The following NLRP13 variants were observed in gnomAD, a reference collection of about 807,000 sequenced individuals.
The protein encoded by NLRP13 is NLR family pyrin domain containing 13, also known as NACHT, LRR and PYD domains-containing protein 13.
Under a neutral mutation model 94.4 loss-of-function variants are expected in NLRP13, and 82 were observed. The observed-to-expected ratio is 0.87, with a 90% CI of 0.73 to 1.04. The LOEUF (loss-of-function observed/expected upper bound fraction) is 1.04. Ranked by LOEUF, NLRP13 falls within the 50% of genes least tolerant of loss-of-function variation. NLRP13 has a pLI of 0.00. For synonymous variants in NLRP13, 553 were observed against 464.7 expected (o/e 1.19, Z -2.45); for missense variants, 1,426 against 1,230.8 (o/e 1.16, Z -2.37).
chr19:55,911,652 C>T, intron 5 of NLRP13, 54 bp downstream of exon 5: 3 of 1,490,262 alleles, frequency 2.0e-6, no homozygotes, highest in Non-Finnish European at 2.7e-6. Flanking sequence ...AGAATTTGCA[C>T]AGAGCCTGAG....
chr19:55,906,428 T>C (rs1430740813), intron 7 of NLRP13, among the ~76,000 whole-genome samples: 1 of 149,272 alleles, frequency 6.7e-6, no homozygotes, highest in Non-Finnish European at 1.5e-5. Flanking sequence ...GATAAGTAAA[T>C]GCAGTAGGGG....
At chr19:55,915,527 G>A (rs1279897093) in intron 4 of NLRP13, among the ~76,000 whole-genome samples, 1 of 152,174 alleles carries the variant, frequency 6.6e-6, no homozygotes, top group African/African-American at 2.4e-5. Context: ...GAACCCGGGA[G>A]GCAGAGGTTG....
chr19:55,926,636 T>G (rs1600279390), intron 1 of NLRP13, among the ~76,000 whole-genome samples: 1 of 152,094 alleles, frequency 6.6e-6, no homozygotes, highest in African/African-American at 2.4e-5. Flanking sequence ...GAAGCACCGG[T>G]GATTTACACA....
chr19:55,910,469 C>T, intron 6 of NLRP13, 94 bp downstream of exon 6: 1 of 1,227,888 alleles, frequency 8.1e-7, no homozygotes, highest in Non-Finnish European at 1.1e-6. Flanking sequence ...ACGTAGCTTG[C>T]CTTCTGGCAA....
Position 55,932,070 on chromosome 19 carries a change from G to A in NLRP13, c.242C>T (p.Ala81Val), listed in dbSNP as rs769323675. 5.6e-6 allele frequency: 9 copies of A among 1,614,002 alleles called. No homozygotes were observed. In the South Asian group the frequency reaches 7.7e-5, roughly 14 times the overall value. ...GAAGATGCCGAGGACCACTTTCCAT[G>A]CCTGACCTTTTGGGAAGTGTTCATC... ...LLDEHFPKGQ[A>V]WKVVLGIFQT... is the part of the protein sequence containing the mutation. Residue 81 changes from alanine (A) to valine (V), a missense_variant, in exon 1 of 11, where the codon GCA (alanine) becomes GTA (valine). Physicochemically the swap from Ala to Val is moderately conservative, Grantham distance 64 (BLOSUM62 0). Transcript: ENST00000342929.
intron 1 of NLRP13, among the ~76,000 whole-genome samples, chr19:55,930,622 A>G (rs11670181): frequency 0.19 from 27,460 of 146,532 alleles, 2,764 homozygotes; most frequent in African/African-American, 0.26. Context: ...GGAGGCGGAG[A>G]GTGCAGTAAG....
chr19:55,899,487 C>G (rs1465107553), intron 9 of NLRP13, among the ~76,000 whole-genome samples: 2 of 151,224 alleles, frequency 1.3e-5, no homozygotes, highest in Non-Finnish European at 2.9e-5. Flanking sequence ...CCCCCCCCAT[C>G]CCAAAAAGGT....
chr19:55,892,444 C>A (rs151161302), downstream of NLRP13, among the ~76,000 whole-genome samples: 1 of 152,012 alleles, frequency 6.6e-6, no homozygotes, highest in Non-Finnish European at 1.5e-5. Flanking sequence ...TTGTTTGAGA[C>A]GCAGTGTCAC....
chr19:55,907,985 G>A (rs1041957182), intron 6 of NLRP13, 29 bp from the exon 7 acceptor site: 5 of 1,573,184 alleles, frequency 3.2e-6, no homozygotes, highest in Non-Finnish European at 4.3e-6. Context: ...ATGAAAGCTG[G>A]ATTGGGGGAG....
chr19:55,910,758 G>A (rs571898731), intron 5 of NLRP13, 25 bp from the exon 6 acceptor site: 52 of 1,568,234 alleles, frequency 3.3e-5, no homozygotes, highest in South Asian at 2.2e-4. Context: ...GACAGAACAC[G>A]GATAAGAGCA....
chr19:55,918,090 A>G (rs1986716244), intron 4 of NLRP13, among the ~76,000 whole-genome samples: 1 of 152,076 alleles, frequency 6.6e-6, no homozygotes, highest in African/African-American at 2.4e-5. Flanking sequence ...AAATAAAACT[A>G]GAAATCAATC....
intron 2 of NLRP13, 37 bp from the exon 3 acceptor site, chr19:55,924,695 C>G (rs767178788): frequency 3.2e-6 from 5 of 1,575,544 alleles, no homozygotes; most frequent in Non-Finnish European, 3.5e-6. Context: ...TGAAAATACC[C>G]CAGAGTGAAA....
chr19:55,928,938 GA>G (rs959906851), intron 1 of NLRP13, among the ~76,000 whole-genome samples: 10 of 150,740 alleles, frequency 6.6e-5, no homozygotes, highest in South Asian at 2.1e-4. Context: ...AAATTTACAA[GA>G]AAAAAAAATC....
chr19:55,900,751 G>T (rs1456200574), intron 9 of NLRP13, among the ~76,000 whole-genome samples: 1 of 138,576 alleles, frequency 7.2e-6, no homozygotes, highest in Admixed American at 8.0e-5. Flanking sequence ...ACTCCAGCCT[G>T]AGTGACAGAA....
Position 55,912,991 on chromosome 19 carries a change from T to A in NLRP13, c.826A>T (p.Met276Leu). 6.2e-7 allele frequency: 1 copy of A among 1,614,186 alleles called. No individual in the cohort carries two copies. Among genetic ancestry groups the A allele is most frequent in the East Asian group, 2.2e-5 (1 of 44,888 alleles). ...FYLSCHKIRY[M>L]KETTFAELIS... is the part of the protein sequence containing the mutation. Reference sequence around the variant, plus strand: ...AATTCAGCAAAGGTAGTTTCCTTCATGTACCTTATTTTATGGCAGCTGAGA... The same window carrying A: ...AATTCAGCAAAGGTAGTTTCCTTCAAGTACCTTATTTTATGGCAGCTGAGA... The change falls in exon 5 of 11, where the codon ATG (methionine) becomes TTG (leucine). Residue 276 changes from methionine (M) to leucine (L), a missense_variant. By Grantham distance (15) the Met-to-Leu change is conservative. Transcript: ENST00000342929.
At position 55,931,993 on chromosome 19, in the gene NLRP13, C is replaced by T. The variant is rs770449479; in HGVS notation, c.319G>A (p.Glu107Lys). ...LCEKVRAEMK[E>K]NVQTQELQDP... ...CGCCTTCCTTCTTGAGGACTCTCAC[C>T]TTTCATCTCGGCTCTAACTTTCTCA... Residue 107 changes from glutamate (E) to lysine (K), a missense_variant and splice_region_variant, in exon 1 of 11, where the codon GAG (glutamate) becomes AAG (lysine). Coordinates refer to ENST00000342929, the MANE Select transcript of NLRP13 (RefSeq NM_176810.2). 1 of 1,612,954 alleles carries T rather than the reference C, an allele frequency of 6.2e-7. No individual in the cohort carries two copies. The highest frequency in any genetic ancestry group is 8.5e-7 in the Non-Finnish European group (1 of 1,179,992).
chr19:55,899,023 G>T (rs1760810422), intron 9 of NLRP13, 86 bp from the exon 10 acceptor site: 6 of 1,408,750 alleles, frequency 4.3e-6, no homozygotes, highest in Non-Finnish European at 5.7e-6. Context: ...TCACGTCCAA[G>T]GAAAGGAGAC....
chr19:55,931,214 A>G (rs2116870), intron 1 of NLRP13, among the ~76,000 whole-genome samples: 30,561 of 151,902 alleles, frequency 0.2, 3,537 homozygotes, highest in African/African-American at 0.31. Context: ...TTTGAGGTAC[A>G]TGCCTGTGTG....
At chr19:55,911,327 G>A (rs558386860) in intron 5 of NLRP13, among the ~76,000 whole-genome samples, 8 of 152,086 alleles carry the variant, frequency 5.3e-5, no homozygotes, top group Non-Finnish European at 1.0e-4. Context: ...TGCCTCCTTG[G>A]CTCAAGCAAT....
Sources: allele counts gnomAD v4.1 joint callset (sites outside exome capture counted in the v4.1 genomes callset), GRCh38; gene constraint gnomAD v4.1.1; transcripts MANE v1.5; gene names NCBI Gene and HGNC (gene_info 2026-07-23, HGNC 2026-07-21).